SAFB: variants seen among roughly 807,000 people sequenced by gnomAD.
SAFB encodes the protein scaffold attachment factor B1.
A neutral mutation model predicts 101.6 loss-of-function variants in SAFB; 15 were observed. That is an observed-to-expected ratio of 0.15 (90% CI 0.10 to 0.23). The LOEUF (loss-of-function observed/expected upper bound fraction) is 0.23, where lower values mean the gene tolerates loss of function less well. Ranked by LOEUF, SAFB falls within the 10% of genes least tolerant of loss-of-function variation. The probability of loss-of-function intolerance (pLI) is 1.00; values close to 1 mark genes in which losing one functional copy is unlikely to be tolerated. For missense variants in SAFB, 930 were observed against 1,104.1 expected (o/e 0.84, Z 2.23); for synonymous variants, 449 against 407.5 (o/e 1.10, Z -1.23).
chr19:5,656,645 C>A (rs950670757), intron 13 of SAFB, among the ~76,000 whole-genome samples: 2 of 149,650 alleles, frequency 1.3e-5, no homozygotes, highest in African/African-American at 4.9e-5. Context: ...GGCGCGTCCT[C>A]GGTTCACTGC....
chr19:5,647,789 C>T (rs931318295), intron 5 of SAFB, among the ~76,000 whole-genome samples: 2 of 152,156 alleles, frequency 1.3e-5, no homozygotes, highest in East Asian at 3.8e-4. Flanking sequence ...TGAAGTGAGA[C>T]CAGTTCCAGG....
At position 5,667,370 on chromosome 19, in the gene SAFB, A is replaced by G; in HGVS notation, c.2477A>G (p.His826Arg). ...AGGGGCAGACGTGACTGGGGGGACCATGGCCGAAGAGAGGATGACCGGTCA... is the reference window on the plus strand; with the variant it reads ...AGGGGCAGACGTGACTGGGGGGACCGTGGCCGAAGAGAGGATGACCGGTCA... Reference protein sequence around the residue: ...PPRGRRDWGDHGRREDDRSWQ... With the variant: ...PPRGRRDWGDRGRREDDRSWQ... Residue 826 changes from histidine (H) to arginine (R), a missense_variant, in exon 19 of 21, where the codon CAT becomes CGT. Transcript: ENST00000588852. This position sits in a 1 kb window ranked among gnomAD's most constrained non-coding sequence, Gnocchi z 4.0. 2 of 1,506,314 alleles carry G rather than the reference A, an allele frequency of 1.3e-6. No homozygotes were observed. Among genetic ancestry groups the G allele is most frequent in the Non-Finnish European group, 8.8e-7 (1 of 1,132,066 alleles). The allele number at this position is 1,506,314 out of a possible 1,614,324, so 93.3% of individuals were successfully genotyped here.
chr19:5,644,568 C>G (rs754017881), intron 4 of SAFB, among the ~76,000 whole-genome samples: 11 of 152,124 alleles, frequency 7.2e-5, no homozygotes, highest in Non-Finnish European at 1.3e-4. Flanking sequence ...GGCTTTTGTA[C>G]CTTTTGAGTC....
At chr19:5,662,181 G>A (rs1001084388) in intron 15 of SAFB, among the ~76,000 whole-genome samples, 3 of 151,430 alleles carry the variant, frequency 2.0e-5, no homozygotes, top group Non-Finnish European at 4.4e-5. Flanking sequence ...CACCGCGACC[G>A]GCCAGCTTGA....
chr19:5,642,497 C>G (rs1032471269), intron 4 of SAFB, among the ~76,000 whole-genome samples: 1 of 151,956 alleles, frequency 6.6e-6, no homozygotes, highest in African/African-American at 2.4e-5. Flanking sequence ...CAGTTGATAC[C>G]TATCTTAAGA....
Position 5,664,058 on chromosome 19 carries a change from C to A in SAFB, c.2190C>A (p.Ala730=), listed in dbSNP as rs367632649. 6.2e-7 allele frequency: 1 copy of A among 1,614,022 alleles called. No homozygotes were observed. Among genetic ancestry groups the A allele is most frequent in the East Asian group, 2.2e-5 (1 of 44,880 alleles). The change falls in exon 16 of 21, where the codon GCC becomes GCA. Residue 730 remains alanine (A), a synonymous_variant. Coordinates refer to ENST00000588852, the MANE Select transcript of SAFB (RefSeq NM_001201338.2). ...DDAYWPEAKR[A]ALDERYHSDF... ...CCTATTGGCCGGAAGCCAAGCGGGC[C>A]GCCCTGGATGAGCGCTACCATTCTG...
chr19:5,626,921 G>A (rs2053377561), intron 2 of SAFB, among the ~76,000 whole-genome samples: 1 of 152,042 alleles, frequency 6.6e-6, no homozygotes, highest in African/African-American at 2.4e-5. Context: ...GCATGCATCT[G>A]TGGTCCCAGC....
intron 8 of SAFB, 149 bp downstream of exon 8, chr19:5,650,124 C>T: frequency 3.1e-6 from 2 of 649,974 alleles, no homozygotes; most frequent in Non-Finnish European, 2.7e-6. Context: ...GCTGTTACCG[C>T]TACAGGTTCT....
At chr19:5,641,993 T>A (rs763539987) in intron 4 of SAFB, 47 bp downstream of exon 4, 17 of 1,456,360 alleles carry the variant, frequency 1.2e-5, no homozygotes, top group Non-Finnish European at 1.6e-5. Flanking sequence ...ATGTATCAGT[T>A]CCACAATTAA....
intron 11 of SAFB, 27 bp from the exon 12 acceptor site, chr19:5,654,034 C>G: frequency 1.2e-6 from 2 of 1,612,046 alleles, no homozygotes; most frequent in Non-Finnish European, 1.7e-6. Context: ...AGCCACCACG[C>G]CCAGCCAACA....
At chr19:5,664,371 C>T (rs760718460) in intron 16 of SAFB, 26 bp from the exon 17 acceptor site, 15 of 1,602,818 alleles carry the variant, frequency 9.4e-6, no homozygotes, top group African/African-American at 5.4e-5. Context: ...CTTCCCCTTA[C>T]GGTTTGATTT....
At chr19:5,628,767 G>A (rs898853455) in intron 2 of SAFB, among the ~76,000 whole-genome samples, 2 of 152,202 alleles carry the variant, frequency 1.3e-5, no homozygotes, top group Admixed American at 1.3e-4. Context: ...ATGATACATT[G>A]CGTGTTTTTG....
intron 2 of SAFB, among the ~76,000 whole-genome samples, chr19:5,630,104 C>G (rs1474918122): frequency 1.3e-5 from 2 of 152,208 alleles, no homozygotes; most frequent in African/African-American, 4.8e-5. Flanking sequence ...GTGACGGTGC[C>G]TATTTCACTA....
intron 2 of SAFB, among the ~76,000 whole-genome samples, chr19:5,627,146 A>G (rs1374025616): frequency 2.0e-5 from 3 of 151,244 alleles, no homozygotes; most frequent in Non-Finnish European, 4.4e-5. Flanking sequence ...ACTGCACTCC[A>G]GCCTGGGTGA....
chr19:5,656,515 A>T (rs999272442), intron 13 of SAFB, among the ~76,000 whole-genome samples: 2 of 150,584 alleles, frequency 1.3e-5, no homozygotes, highest in African/African-American at 4.9e-5. Flanking sequence ...ACTTCAAGTG[A>T]TCCACCCGTC....
At chr19:5,652,129 G>A (rs969017290) in intron 9 of SAFB, among the ~76,000 whole-genome samples, 1 of 152,020 alleles carries the variant, frequency 6.6e-6, no homozygotes, top group African/African-American at 2.4e-5. Context: ...GGAGGTGGAG[G>A]TTGCAGTGAC....
chr19:5,637,283 G>A (rs2053615271), intron 2 of SAFB, among the ~76,000 whole-genome samples: 1 of 148,736 alleles, frequency 6.7e-6, no homozygotes. Flanking sequence ...GGTGGAGCTT[G>A]CAGTGAGCCA....
At chr19:5,645,870 TTTTTGTTTTGTTTTG>T (rs566926543) in intron 5 of SAFB, among the ~76,000 whole-genome samples, 2 of 152,108 alleles carry the variant, frequency 1.3e-5, no homozygotes, top group African/African-American at 4.8e-5. Flanking sequence ...TGGGAAGTTT[TTTTTGTTTTGTTTTG>T]TTTTGTTTTT....
chr19:5,661,524 G>T lies in SAFB; in HGVS notation c.1869G>T (p.Val623=), dbSNP rs1435047919. ...KSRDSESHSR[V]RERSEREQRM... ...CAGCTCTACTGTTGTGCAGCAGGGTGCGTGAACGCAGTGAACGCGAACAAC... is the reference window on the plus strand; with the variant it reads ...CAGCTCTACTGTTGTGCAGCAGGGTTCGTGAACGCAGTGAACGCGAACAAC... The change falls in exon 15 of 21, where the codon GTG becomes GTT. Residue 623 remains valine (V), a synonymous_variant. Transcript: ENST00000588852. The T allele has an allele frequency of 6.2e-7, 1 of 1,612,714 alleles. No homozygotes were observed. Among genetic ancestry groups the T allele is most frequent in the Admixed American group, 1.7e-5 (1 of 59,994 alleles).
Sources: gnomAD v4.1 joint callset for allele counts (sites outside exome capture counted in the v4.1 genomes callset) on GRCh38, gnomAD v4.1.1 for gene constraint, Gnocchi (gnomAD v3.1) non-coding constraint, MANE v1.5 for transcripts, NCBI Gene and HGNC (gene_info 2026-07-23, HGNC 2026-07-21) for gene names.